RSRC1: variants seen among roughly 807,000 people sequenced by gnomAD.
RSRC1 encodes serine/Arginine-related protein 53.
In RSRC1, 39 loss-of-function variants were observed where a neutral mutation model predicts 49.1. The observed-to-expected ratio is 0.79, with a 90% confidence interval of 0.61 to 1.04. RSRC1 has a LOEUF of 1.04. RSRC1 is among the 50% of genes least tolerant of loss of function. The pLI is 0.00. For synonymous variants in RSRC1, 143 were observed against 130.8 expected, an observed-to-expected ratio of 1.09 and a Z score of -0.63; for missense variants, 388 against 402.4, an observed-to-expected ratio of 0.96 and a Z score of 0.31.
chr3:158,302,259 C>T (rs1727594885), intron 5 of RSRC1, among the ~76,000 whole-genome samples: 3 of 152,014 alleles, frequency 2.0e-5, no homozygotes, highest in African/African-American at 4.8e-5. Flanking sequence ...ACATGCTTCA[C>T]GTGTGCATAG....
intron 7 of RSRC1, among the ~76,000 whole-genome samples, chr3:158,525,410 G>C (rs1456397492): frequency 6.6e-6 from 1 of 151,950 alleles, no homozygotes; most frequent in Non-Finnish European, 1.5e-5. Context: ...GCCAACTGTT[G>C]ATGAAGATGT....
chr3:158,312,120 C>T (rs1728163108), intron 5 of RSRC1, among the ~76,000 whole-genome samples: 1 of 150,826 alleles, frequency 6.6e-6, no homozygotes, highest in Non-Finnish European at 1.5e-5. Flanking sequence ...CCTGAGAAAG[C>T]TGACACGAGC....
chr3:158,493,492 G>T (rs755043948), intron 7 of RSRC1, among the ~76,000 whole-genome samples: 1 of 152,124 alleles, frequency 6.6e-6, no homozygotes, highest in African/African-American at 2.4e-5. Flanking sequence ...TTAAAGAAAT[G>T]CTCTATACCC....
intron 4 of RSRC1, among the ~76,000 whole-genome samples, chr3:158,294,525 A>G (rs1727123797): frequency 6.6e-6 from 1 of 151,872 alleles, no homozygotes; most frequent in Non-Finnish European, 1.5e-5. Context: ...TTGTGGGTTC[A>G]TCTTTTTTTT....
At chr3:158,535,891 G>A (rs1389494407) in intron 7 of RSRC1, among the ~76,000 whole-genome samples, 3 of 151,442 alleles carry the variant, frequency 2.0e-5, no homozygotes, top group African/African-American at 4.8e-5. Context: ...TATATAGGCT[G>A]TATTTCACAG....
At chr3:158,323,332 A>G (rs1007159301) in intron 5 of RSRC1, among the ~76,000 whole-genome samples, 1 of 152,098 alleles carries the variant, frequency 6.6e-6, no homozygotes, top group African/African-American at 2.4e-5. Context: ...ATGGTTAGTA[A>G]ATGATTTGGG....
chr3:158,174,617 A>C (rs1288683034), intron 3 of RSRC1, among the ~76,000 whole-genome samples: 1 of 152,014 alleles, frequency 6.6e-6, no homozygotes, highest in African/African-American at 2.4e-5. Context: ...AAATGCACTC[A>C]TTACATTAGT....
chr3:158,235,776 A>G (rs1723206872), intron 4 of RSRC1, among the ~76,000 whole-genome samples: 1 of 152,220 alleles, frequency 6.6e-6, no homozygotes, highest in Non-Finnish European at 1.5e-5. Flanking sequence ...TTTATAAACA[A>G]GATGCAAAAA....
At chr3:158,167,777 A>G (rs1172158357) in intron 3 of RSRC1, among the ~76,000 whole-genome samples, 1 of 152,202 alleles carries the variant, frequency 6.6e-6, no homozygotes, top group Non-Finnish European at 1.5e-5. Context: ...TAGAAGGAAA[A>G]TGTTACTCTA....
chr3:158,138,548 A>G (rs9852745), intron 3 of RSRC1, among the ~76,000 whole-genome samples: 86,639 of 152,146 alleles, frequency 0.57, 24,987 homozygotes, highest in East Asian at 0.71. Flanking sequence ...AGATTTAACT[A>G]ACTACTAAGC....
chr3:158,350,388 G>T (rs992542784), intron 5 of RSRC1, among the ~76,000 whole-genome samples: 4 of 151,660 alleles, frequency 2.6e-5, no homozygotes, highest in African/African-American at 9.7e-5. Flanking sequence ...TGCCCAGGCT[G>T]GTCTCGAACT....
rs369310137 is a variant in RSRC1 at position 158,384,664 on chromosome 3, G to A, written c.583+29756G>A. ...AGAGCATTTTGAGAACATTGTAAGA[G>A]GTCTGCCTCAACAGAAACTTGGCCT... On this transcript the variant is annotated intron_variant, in intron 6 of 9. Transcript: ENST00000611884. 6.6e-5 allele frequency among the ~76,000 whole-genome samples: 10 copies of A among 152,236 alleles called. No individual in the cohort carries two copies. The East Asian group carries it at 1.5e-3, about 24-fold the overall frequency.
intron 3 of RSRC1, chr3:158,137,030 A>G (rs1055362442): frequency 7.2e-5 from 11 of 152,290 alleles, no homozygotes; most frequent in African/African-American, 2.6e-4. Flanking sequence ...ATTTATCCAA[A>G]ATAAAGAAGC....
intron 4 of RSRC1, among the ~76,000 whole-genome samples, chr3:158,290,419 C>T (rs1726862465): frequency 6.6e-6 from 1 of 151,910 alleles, no homozygotes; most frequent in Admixed American, 6.5e-5. Flanking sequence ...ACTACAGGCG[C>T]CCGCCACCAC....
intron 7 of RSRC1, among the ~76,000 whole-genome samples, chr3:158,477,822 A>C (rs865994903): frequency 7.4e-6 from 1 of 134,588 alleles, no homozygotes; most frequent in African/African-American, 2.7e-5. Context: ...ATATATATAT[A>C]TATATGAAAG....
intron 5 of RSRC1, among the ~76,000 whole-genome samples, chr3:158,326,330 A>T (rs1370214134): frequency 1.3e-5 from 2 of 152,162 alleles, no homozygotes; most frequent in Admixed American, 1.3e-4. Flanking sequence ...GAATGCTTCC[A>T]GTTTTTGCCC....
At chr3:158,516,752 C>T (rs1437344854) in intron 7 of RSRC1, among the ~76,000 whole-genome samples, 2 of 152,200 alleles carry the variant, frequency 1.3e-5, no homozygotes, top group East Asian at 1.9e-4. Flanking sequence ...AGCGAGACTC[C>T]GTGGGCGTAG....
chr3:158,428,019 C>CAAGA (rs1340300996), intron 6 of RSRC1, among the ~76,000 whole-genome samples: 1 of 151,698 alleles, frequency 6.6e-6, no homozygotes, highest in African/African-American at 2.4e-5. Context: ...TGCTATATTT[C>CAAGA]TGTCTATGAA....
chr3:158,149,657 G>A (rs1053271920), intron 3 of RSRC1, among the ~76,000 whole-genome samples: 18 of 152,188 alleles, frequency 1.2e-4, no homozygotes, highest in Admixed American at 7.2e-4. Flanking sequence ...TAGTGAACAT[G>A]ATGCTATAGG....
Sources: gnomAD v4.1 joint callset for allele counts (sites outside exome capture counted in the v4.1 genomes callset) on GRCh38, gnomAD v4.1.1 for gene constraint, MANE v1.5 for transcripts, NCBI Gene and HGNC (gene_info 2026-07-23, HGNC 2026-07-21) for gene names.